Variants in OTUD7B observed in about 807,000 individuals in gnomAD.
OTUD7B encodes OTU domain-containing protein 7B.
A neutral mutation model predicts 82.2 loss-of-function variants in OTUD7B; 34 were observed. The observed-to-expected ratio is 0.41, with a 90% CI of 0.31 to 0.55. The LOEUF (loss-of-function observed/expected upper bound fraction) is 0.55. Among genes scored for constraint, OTUD7B ranks in the 20% least tolerant of loss-of-function variants. The probability of loss-of-function intolerance (pLI) is 0.20; values close to 1 mark genes in which losing one functional copy is unlikely to be tolerated. For missense variants in OTUD7B, 944 were observed against 1,062.1 expected (o/e 0.89, Z 1.55); for synonymous variants, 398 against 402.7 (o/e 0.99, Z 0.14).
the OTUD7B span, among the ~76,000 whole-genome samples, chr1:150,049,605 T>G: frequency 1.3e-5 from 2 of 151,146 alleles, no homozygotes; most frequent in Non-Finnish European, 2.9e-5. Context: ...TCTCTAAGCT[T>G]TTATTTTCCT....
chr1:149,954,346 T>C (rs901522112), intron 7 of OTUD7B, among the ~76,000 whole-genome samples: 1 of 152,170 alleles, frequency 6.6e-6, no homozygotes, highest in African/African-American at 2.4e-5. Flanking sequence ...TGATGGATTA[T>C]GTTTATTGAT....
chr1:149,941,740 A>ATT lies in OTUD7B; in HGVS notation c.*2115_*2116dup, dbSNP rs1162639885. The stretch of plus-strand genomic sequence containing the variant: ...CTGTCAGATCCTGTAAGATTTCGCT[A>ATT]TTTTATCCAACATAAATTTTTTGCA... On this transcript the variant is annotated 3_prime_UTR_variant, in exon 12 of 12. Transcript: ENST00000581312. The ATT allele has an allele frequency of 6.6e-6, 1 of 152,162 alleles. No individual in the cohort carries two copies. Among genetic ancestry groups the ATT allele is most frequent in the Non-Finnish European group, 1.5e-5 (1 of 68,038 alleles). 9.4% of individuals were successfully genotyped at this position (152,162 alleles called of 1,614,324 possible). A position where few individuals can be genotyped will look rare whatever the true frequency, so the allele number is the denominator to read the frequency against.
upstream of OTUD7B, among the ~76,000 whole-genome samples, chr1:150,014,531 C>T (rs1179540880): frequency 2.0e-5 from 3 of 151,826 alleles, no homozygotes; most frequent in South Asian, 2.1e-4. Context: ...AAAACTTATA[C>T]GTGAATGTTC....
At chr1:149,990,003 C>G (rs1418434465) in intron 1 of OTUD7B, among the ~76,000 whole-genome samples, 3 of 152,200 alleles carry the variant, frequency 2.0e-5, no homozygotes, top group African/African-American at 7.2e-5. Flanking sequence ...TCCTGATACT[C>G]ACATTTTAAC....
At chr1:150,064,981 T>C in the OTUD7B span, among the ~76,000 whole-genome samples, 1 of 152,160 alleles carries the variant, frequency 6.6e-6, no homozygotes, top group Non-Finnish European at 1.5e-5. Flanking sequence ...AACCTCTAAA[T>C]AGTATACATG....
the OTUD7B span, among the ~76,000 whole-genome samples, chr1:150,063,992 C>T: frequency 6.6e-6 from 1 of 152,020 alleles, no homozygotes; most frequent in African/African-American, 2.4e-5. Context: ...AATACAAGAT[C>T]AAGTCTTAAT....
At chr1:149,955,695 C>G (rs587718598) in intron 7 of OTUD7B, among the ~76,000 whole-genome samples, 1 of 151,944 alleles carries the variant, frequency 6.6e-6, no homozygotes, top group African/African-American at 2.4e-5. Flanking sequence ...CTGTAGGTCT[C>G]TAAGGACTTG....
Position 149,944,840 on chromosome 1 carries a change from G to A in OTUD7B, c.1549C>T (p.Leu517Phe), listed in dbSNP as rs374679271. Reference protein sequence around the residue: ...GSFGKTLGSKLKKNMGGLMHS... With the variant: ...GSFGKTLGSKFKKNMGGLMHS... ...ATCAGGCCCCCCATGTTCTTCTTGA[G>A]CTTGCTGCCCAAGGTTTTGCCAAAG... The change falls in exon 12 of 12, where the codon CTC (leucine) becomes TTC (phenylalanine). Residue 517 changes from leucine (L) to phenylalanine (F), a missense_variant. Physicochemically the swap from Leu to Phe is conservative, Grantham distance 22 (BLOSUM62 0). Transcript: ENST00000581312. The A allele has an allele frequency of 1.5e-5, 25 of 1,613,978 alleles. No individual in the cohort carries two copies. Among genetic ancestry groups the A allele is most frequent in the Non-Finnish European group, 2.1e-5 (25 of 1,180,030 alleles).
At chr1:149,954,476 G>A (rs946821862) in intron 7 of OTUD7B, among the ~76,000 whole-genome samples, 3 of 152,108 alleles carry the variant, frequency 2.0e-5, no homozygotes, top group South Asian at 2.1e-4. Flanking sequence ...TTCTTGCATC[G>A]ATGTTCATCA....
intron 1 of OTUD7B, among the ~76,000 whole-genome samples, chr1:150,006,735 T>C (rs1400350602): frequency 6.6e-6 from 1 of 152,192 alleles, no homozygotes; most frequent in Non-Finnish European, 1.5e-5. Flanking sequence ...CCGGCCATAG[T>C]CTTGAGACTT....
chr1:150,015,537 TCCCAAAGTGCTGAGATTACAAGCGTGAG>T (rs1653242632), upstream of OTUD7B, among the ~76,000 whole-genome samples: 1 of 152,062 alleles, frequency 6.6e-6, no homozygotes, highest in Admixed American at 6.6e-5. Context: ...CTCCTCGGCA[TCCCAAAGTGCTGAGATTACAAGCGTGAG>T]CCCAAAGTGC....
At chr1:149,991,947 G>A (rs1651593822) in intron 1 of OTUD7B, among the ~76,000 whole-genome samples, 3 of 152,076 alleles carry the variant, frequency 2.0e-5, no homozygotes, top group Non-Finnish European at 2.9e-5. Context: ...GTAAATCATG[G>A]GGCAGGGCAC....
the OTUD7B span, among the ~76,000 whole-genome samples, chr1:150,037,314 G>A: frequency 6.7e-5 from 10 of 149,602 alleles, no homozygotes; most frequent in Admixed American, 5.4e-4. Context: ...ACTATTTATA[G>A]ATAGTGAATC....
chr1:150,034,771 T>A, the OTUD7B span, among the ~76,000 whole-genome samples: 1 of 152,178 alleles, frequency 6.6e-6, no homozygotes, highest in Non-Finnish European at 1.5e-5. Context: ...AATATATGCA[T>A]AGGCTTTGAC....
chr1:150,028,387 T>G, the OTUD7B span, among the ~76,000 whole-genome samples: 1 of 152,186 alleles, frequency 6.6e-6, no homozygotes, highest in Non-Finnish European at 1.5e-5. Context: ...AATTAAACAC[T>G]TCACTGTGGG....
chr1:150,053,407 T>C, the OTUD7B span, among the ~76,000 whole-genome samples: 1 of 152,004 alleles, frequency 6.6e-6, no homozygotes, highest in Non-Finnish European at 1.5e-5. Context: ...TTTTCTTTTT[T>C]TTTTTTGAGA....
intron 1 of OTUD7B, among the ~76,000 whole-genome samples, chr1:149,979,285 T>C (rs1553779229): frequency 6.6e-6 from 1 of 152,116 alleles, no homozygotes; most frequent in Non-Finnish European, 1.5e-5. Context: ...CTTATCACCA[T>C]TCTATTTCTA....
intron 7 of OTUD7B, among the ~76,000 whole-genome samples, chr1:149,950,582 T>C (rs1374804012): frequency 3.9e-5 from 6 of 152,176 alleles, no homozygotes; most frequent in African/African-American, 1.4e-4. Context: ...ACTTATTTTA[T>C]ATACTACAGC....
chr1:149,972,598 C>T (rs937107023), intron 2 of OTUD7B, among the ~76,000 whole-genome samples: 3 of 152,274 alleles, frequency 2.0e-5, no homozygotes, highest in African/African-American at 7.2e-5. Flanking sequence ...TTATAATATA[C>T]TTTATAATTT....
Sources: gnomAD v4.1 joint callset for allele counts (sites outside exome capture counted in the v4.1 genomes callset) on GRCh38, gnomAD v4.1.1 for gene constraint, MANE v1.5 for transcripts, NCBI Gene and HGNC (gene_info 2026-07-23, HGNC 2026-07-21) for gene names.